COPS7B: variants seen among roughly 807,000 people sequenced by gnomAD.
COPS7B encodes COP9 signalosome subunit 7B, also known as COP9 signalosome complex subunit 7b.
COPS7B carries 9 observed loss-of-function variants against 33.4 expected under a neutral mutation model. That is an observed-to-expected ratio of 0.27 (90% CI 0.16 to 0.47). The LOEUF (loss-of-function observed/expected upper bound fraction) is 0.47. Ranked by LOEUF, COPS7B falls within the 20% of genes least tolerant of loss-of-function variation. COPS7B has a pLI of 0.99. For synonymous variants in COPS7B, 119 were observed against 126.3 expected (o/e 0.94, Z 0.39); for missense variants, 242 against 318.2 (o/e 0.76, Z 1.82).
chr2:231,788,134 CTGTTT>C (rs1296647409), intron 1 of COPS7B, among the ~76,000 whole-genome samples: 1 of 133,374 alleles, frequency 7.5e-6, no homozygotes, highest in African/African-American at 3.0e-5. Context: ...GACTCAGGAA[CTGTTT>C]TTTTTTTTTT....
chr2:231,788,472 TC>T (rs2049316743), intron 1 of COPS7B, 82 bp from the exon 2 acceptor site: 3 of 1,266,492 alleles, frequency 2.4e-6, no homozygotes, highest in Non-Finnish European at 3.3e-6. Flanking sequence ...AGTAAAGTAT[TC>T]TGGTGTTTGA....
intron 2 of COPS7B, 146 bp from the exon 3 acceptor site, chr2:231,791,587 G>T: frequency 1.6e-6 from 1 of 626,402 alleles, no homozygotes; most frequent in Non-Finnish European, 2.8e-6. Context: ...AACCAGAGTT[G>T]GTAGAGACCC....
upstream of COPS7B, among the ~76,000 whole-genome samples, chr2:231,782,737 G>A (rs1194582635): frequency 6.6e-6 from 1 of 152,188 alleles, no homozygotes; most frequent in Non-Finnish European, 1.5e-5. Flanking sequence ...GAATGCTAAG[G>A]AGGCCCTGAT....
In COPS7B at chr2:231,796,099, T is replaced by C. The variant is rs749652282; in HGVS notation, c.328-7T>C. On this transcript the variant is annotated splice_region_variant and splice_polypyrimidine_tract_variant and intron_variant, in intron 4 of 6. Transcript: ENST00000350033. ...TTTTTATAATGATCACATGGCCTTA[T>C]CTACAGTGTATCCCCTACTCCGTGT... The C allele has an allele frequency of 6.2e-7, 1 of 1,612,520 alleles. No homozygotes were observed. Among genetic ancestry groups the C allele is most frequent in the Non-Finnish European group, 8.5e-7 (1 of 1,178,698 alleles).
Position 231,798,909 on chromosome 2 carries a change from G to A in COPS7B, c.581G>A (p.Arg194Lys), listed in dbSNP as rs529533292. The A allele has an allele frequency of 1.3e-5, 21 of 1,614,212 alleles. No individual in the cohort carries two copies. In the South Asian group the frequency reaches 2.1e-4, roughly 16 times the overall value. Residue 194 changes from arginine to lysine, a missense_variant, in exon 6 of 7, where the codon AGA becomes AAA. Coordinates refer to ENST00000350033, the MANE Select transcript of COPS7B (RefSeq NM_022730.4). ...CTGGGCATCGAGCAGCAAGTTCTGA[G>A]AGCCAACCAGTACAAAGAGAACCAC... is the stretch of plus-strand genomic sequence containing the variant. Reference protein sequence around the residue: ...VLLGIEQQVLRANQYKENHNR... With the variant: ...VLLGIEQQVLKANQYKENHNR...
intron 6 of COPS7B, among the ~76,000 whole-genome samples, chr2:231,806,512 C>T (rs955372712): frequency 2.7e-5 from 4 of 147,116 alleles, no homozygotes; most frequent in African/African-American, 5.1e-5. Flanking sequence ...GTGATTGTGC[C>T]ACTATACTCC....
In COPS7B at chr2:231,807,695, G is replaced by A. The variant is rs1559381565; in HGVS notation, c.*50G>A. On this transcript the variant is annotated 3_prime_UTR_variant, in exon 7 of 7. Transcript: ENST00000350033. ...ACCAGGCCTGGGTCAGGTGGGGAGG[G>A]GACACCAAGGGCCCATTTCCTCCCC... The A allele has an allele frequency of 1.3e-6, 2 of 1,489,874 alleles. No individual in the cohort carries two copies. The highest frequency in any genetic ancestry group is 1.8e-6 in the Non-Finnish European group (2 of 1,113,958). The allele number at this position is 1,489,874 out of a possible 1,614,324, so 92.3% of individuals were successfully genotyped here. A position where few individuals can be genotyped will look rare whatever the true frequency, so the allele number is the denominator to read the frequency against.
chr2:231,784,479 C>G (rs2049193996), upstream of COPS7B, among the ~76,000 whole-genome samples: 1 of 151,928 alleles, frequency 6.6e-6, no homozygotes, highest in African/African-American at 2.4e-5. Flanking sequence ...AAGACTCTGT[C>G]TCTTAAGGGA....
intron 3 of COPS7B, 192 bp downstream of exon 3, chr2:231,792,000 C>A: frequency 1.4e-6 from 1 of 693,510 alleles, no homozygotes; most frequent in Non-Finnish European, 2.7e-6. Context: ...TCTAGTGGGT[C>A]AAATGGGGCC....
chr2:231,798,175 C>T (rs984357903), intron 5 of COPS7B, among the ~76,000 whole-genome samples: 5 of 152,022 alleles, frequency 3.3e-5, no homozygotes, highest in Admixed American at 3.3e-4. Context: ...GCATGAGCCA[C>T]TGCGCCTGGC....
chr2:231,797,090 A>C (rs751560548), intron 5 of COPS7B, among the ~76,000 whole-genome samples: 16 of 152,322 alleles, frequency 1.1e-4, no homozygotes, highest in Middle Eastern at 3.4e-3. Flanking sequence ...CCTGGAGGTG[A>C]GGAGAGTGTG....
At chr2:231,807,210 C>T (rs1000638491) in intron 6 of COPS7B, among the ~76,000 whole-genome samples, 1 of 152,154 alleles carries the variant, frequency 6.6e-6, no homozygotes, top group Non-Finnish European at 1.5e-5. Context: ...ATTTTAATCA[C>T]GATTTATTTC....
chr2:231,803,826 G>C (rs556476316), intron 6 of COPS7B, among the ~76,000 whole-genome samples: 20 of 152,326 alleles, frequency 1.3e-4, no homozygotes, highest in African/African-American at 4.8e-4. Context: ...AGAAGCATTG[G>C]AAGTGTTGAG....
chr2:231,791,570 C>T (rs961254928), intron 2 of COPS7B, 163 bp from the exon 3 acceptor site: 6 of 583,618 alleles, frequency 1.0e-5, no homozygotes, highest in African/African-American at 1.9e-5. Context: ...TTTATTTTTT[C>T]CCGAAGAACC....
At chr2:231,800,683 A>C (rs2049718746) in intron 6 of COPS7B, among the ~76,000 whole-genome samples, 1 of 152,226 alleles carries the variant, frequency 6.6e-6, no homozygotes. Context: ...TTATTTAAAC[A>C]CAGAGGGTGG....
At chr2:231,782,817 T>C (rs535630097), upstream of COPS7B, among the ~76,000 whole-genome samples, 17 of 152,304 alleles carry the variant, frequency 1.1e-4, no homozygotes, top group African/African-American at 3.4e-4. Flanking sequence ...TTTTTTTCCA[T>C]GTTAAAAAAG....
upstream of COPS7B, among the ~76,000 whole-genome samples, chr2:231,782,874 T>C (rs1269712881): frequency 2.6e-5 from 4 of 152,176 alleles, no homozygotes; most frequent in African/African-American, 7.2e-5. Context: ...GGAACAATTT[T>C]CACATAGGTA....
chr2:231,807,418 G>A (rs2049925440), intron 6 of COPS7B, 69 bp from the exon 7 acceptor site: 1 of 1,429,826 alleles, frequency 7.0e-7, no homozygotes, highest in Non-Finnish European at 9.5e-7. Flanking sequence ...CTGAAGTGAA[G>A]ACATAGTGAG....
upstream of COPS7B, among the ~76,000 whole-genome samples, chr2:231,785,352 T>C (rs563575373): frequency 2.0e-5 from 3 of 152,212 alleles, no homozygotes; most frequent in Non-Finnish European, 2.9e-5. Flanking sequence ...TTGAAAACCC[T>C]GGGGTCAAAC....
Sources: allele counts gnomAD v4.1 joint callset (sites outside exome capture counted in the v4.1 genomes callset), GRCh38; gene constraint gnomAD v4.1.1; transcripts MANE v1.5; gene names NCBI Gene and HGNC (gene_info 2026-07-23, HGNC 2026-07-21).